Variants in SAMD5 observed in about 807,000 individuals in gnomAD.
SAMD5 encodes the protein sterile alpha motif domain-containing protein 5.
Under a neutral mutation model 11.3 loss-of-function variants are expected in SAMD5, and 13 were observed. The observed-to-expected ratio is 1.15, with a 90% CI of 0.75 to 1.83. SAMD5 has a LOEUF of 1.83. Ranked by LOEUF, SAMD5 falls within the 40% of genes most tolerant of loss-of-function variation. The pLI, the probability that SAMD5 is intolerant of heterozygous loss-of-function variation, is 0.00. For missense variants in SAMD5, 255 were observed against 239.1 expected (o/e 1.07, Z -0.44); for synonymous variants, 129 against 111.3 (o/e 1.16, Z -1.00).
chr6:147,546,345 C>T (rs375623822), intron 1 of SAMD5, among the ~76,000 whole-genome samples: 2 of 152,100 alleles, frequency 1.3e-5, no homozygotes, highest in African/African-American at 2.4e-5. Context: ...GCCTGACCAA[C>T]GTGGAGAAAT....
chr6:147,534,382 G>A (rs530089387), intron 1 of SAMD5, among the ~76,000 whole-genome samples: 1 of 152,284 alleles, frequency 6.6e-6, no homozygotes, highest in African/African-American at 2.4e-5. Flanking sequence ...CTAAATGAAT[G>A]GTTGGGGCAA....
chr6:147,593,410 T>C (rs1789484340), intron 1 of SAMD5, among the ~76,000 whole-genome samples: 2 of 152,088 alleles, frequency 1.3e-5, no homozygotes, highest in Non-Finnish European at 2.9e-5. Context: ...CTACTTTAGA[T>C]TAAGGAACCA....
chr6:147,563,064 TA>T (rs771147222), intron 1 of SAMD5, among the ~76,000 whole-genome samples: 21 of 152,174 alleles, frequency 1.4e-4, no homozygotes, highest in Non-Finnish European at 2.8e-4. Flanking sequence ...TAAATAGTAG[TA>T]GGATATCGTT....
chr6:147,748,394 C>T, the SAMD5 span, among the ~76,000 whole-genome samples: 1 of 152,110 alleles, frequency 6.6e-6, no homozygotes, highest in Admixed American at 6.5e-5. Context: ...CTCACCTGTG[C>T]CAAGGAAATA....
At chr6:147,861,831 A>T in the SAMD5 span, among the ~76,000 whole-genome samples, 2 of 152,214 alleles carry the variant, frequency 1.3e-5, no homozygotes, top group Admixed American at 6.5e-5. Flanking sequence ...GATGCCCCTC[A>T]TGTGAACTTG....
chr6:147,572,179 T>C (rs547226049), downstream of SAMD5, among the ~76,000 whole-genome samples: 1 of 152,026 alleles, frequency 6.6e-6, no homozygotes, highest in South Asian at 2.1e-4. Flanking sequence ...GTTGAGGTTA[T>C]GTGAGATGGT....
chr6:147,945,750 C>T, the SAMD5 span, among the ~76,000 whole-genome samples: 3 of 152,080 alleles, frequency 2.0e-5, no homozygotes, highest in African/African-American at 2.4e-5. Flanking sequence ...TTGGAGGAAG[C>T]GAGCAAATAT....
At chr6:147,702,067 A>G (rs1053307956) in intron 1 of SAMD5, among the ~76,000 whole-genome samples, 3 of 152,248 alleles carry the variant, frequency 2.0e-5, no homozygotes, top group African/African-American at 7.2e-5. Context: ...ATGGACTCAC[A>G]TTTCCACATG....
the SAMD5 span, among the ~76,000 whole-genome samples, chr6:147,816,301 A>AAAATATATATATATATATATATAT: frequency 1.5e-5 from 1 of 66,356 alleles, no homozygotes; most frequent in East Asian, 4.5e-4. Flanking sequence ...AAAAAAAAAA[A>AAAATATATATATATATATATATAT]ATATATATAT....
At chr6:147,597,372 A>G (rs1446921856) in intron 1 of SAMD5, among the ~76,000 whole-genome samples, 1 of 152,166 alleles carries the variant, frequency 6.6e-6, no homozygotes, top group African/African-American at 2.4e-5. Context: ...TCAACTCTAC[A>G]GTAAAAGGAG....
the SAMD5 span, among the ~76,000 whole-genome samples, chr6:147,869,664 A>AT: frequency 6.6e-6 from 1 of 152,184 alleles, no homozygotes. Flanking sequence ...AATAACATGT[A>AT]TTTTATCATC....
At chr6:147,835,059 C>A in the SAMD5 span, among the ~76,000 whole-genome samples, 1 of 151,814 alleles carries the variant, frequency 6.6e-6, no homozygotes, top group Non-Finnish European at 1.5e-5. Context: ...GGCAAAACCC[C>A]GTCTCTACTA....
intron 1 of SAMD5, among the ~76,000 whole-genome samples, chr6:147,534,327 C>T (rs1005338287): frequency 5.3e-5 from 8 of 152,148 alleles, no homozygotes; most frequent in African/African-American, 1.9e-4. Context: ...AGCAAAATCT[C>T]ATGTGAAATC....
the SAMD5 span, among the ~76,000 whole-genome samples, chr6:147,920,918 A>G: frequency 1.3e-5 from 2 of 152,338 alleles, no homozygotes; most frequent in Admixed American, 6.5e-5. Context: ...ACCCATAGCT[A>G]TGATATCCAC....
At chr6:147,517,134 A>G (rs1210586412) in intron 1 of SAMD5, among the ~76,000 whole-genome samples, 3 of 152,160 alleles carry the variant, frequency 2.0e-5, no homozygotes, top group African/African-American at 7.2e-5. Context: ...CATTTCAATC[A>G]CTAGATCCAA....
intron 1 of SAMD5, among the ~76,000 whole-genome samples, chr6:147,712,321 T>A (rs1257162442): frequency 6.6e-6 from 1 of 152,166 alleles, no homozygotes; most frequent in Non-Finnish European, 1.5e-5. Flanking sequence ...AAACAACAAT[T>A]TATTTTTTTC....
Position 147,720,735 on chromosome 6 carries a change from A to T in SAMD5, c.163-16582A>T, listed in dbSNP as rs1023778927. Among the ~76,000 whole-genome samples the T allele has an allele frequency of 2.0e-5, 3 of 151,838 alleles. No homozygotes were observed. The East Asian group carries it at 5.8e-4, about 29-fold the overall frequency. ...TATTATACTTTCAGTTTTAGGGTAC[A>T]TGTGCACAATGTGCAGGTTAGTTCC... On this transcript the variant is annotated intron_variant, in intron 1 of 1. Transcript: ENST00000566741.
rs532513389 is a variant in SAMD5 at position 147,686,046 on chromosome 6, G to A, written c.163-51271G>A. The stretch of plus-strand genomic sequence containing the variant: ...ACTGACAAAATTTGTGTATATCAAA[G>A]CCATGCAAAATGTGGACTACCTGTA... On this transcript the variant is annotated intron_variant, in intron 1 of 1. Coordinates refer to the SAMD5 transcript ENST00000566741. Among the ~76,000 whole-genome samples, 3 of 152,316 alleles carry A rather than the reference G, an allele frequency of 2.0e-5. No individual in the cohort carries two copies. In the South Asian group the frequency reaches 6.2e-4, roughly 32 times the overall value.
the SAMD5 span, among the ~76,000 whole-genome samples, chr6:147,789,886 G>T: frequency 6.6e-6 from 1 of 152,130 alleles, no homozygotes; most frequent in East Asian, 1.9e-4. Context: ...GCTACAGCAG[G>T]GTACCACAAC....
Sources: allele counts gnomAD v4.1 joint callset (sites outside exome capture counted in the v4.1 genomes callset), GRCh38; gene constraint gnomAD v4.1.1; transcripts MANE v1.5; gene names NCBI Gene and HGNC (gene_info 2026-07-23, HGNC 2026-07-21).